The following SUSD3 variants were observed in gnomAD, a reference collection of about 807,000 sequenced individuals.
The protein encoded by SUSD3 is sushi domain containing 3.
A neutral mutation model predicts 20.6 loss-of-function variants in SUSD3; 18 were observed. The ratio of observed to expected loss-of-function variants is 0.87; its 90% CI spans 0.60 to 1.30. The LOEUF (loss-of-function observed/expected upper bound fraction) is 1.30. Among genes scored for constraint, SUSD3 ranks in the 50% most tolerant of loss-of-function variants. The pLI is 0.00. For synonymous variants in SUSD3, 137 were observed against 141.5 expected (o/e 0.97, Z 0.23); for missense variants, 306 against 346.9 (o/e 0.88, Z 0.94).
chr9:93,065,165 TC>T (rs1825659284), intron 1 of SUSD3, among the ~76,000 whole-genome samples: 1 of 152,130 alleles, frequency 6.6e-6, no homozygotes, highest in Non-Finnish European at 1.5e-5. Flanking sequence ...CTCAAGGTCT[TC>T]CGCCAGCATT....
chr9:93,075,846 G>T lies in SUSD3; in HGVS notation c.151G>T (p.Ala51Ser), dbSNP rs2118974954. The T allele has an allele frequency of 1.2e-6, 2 of 1,613,452 alleles. No homozygotes were observed. The highest frequency in any genetic ancestry group is 1.7e-6 in the Non-Finnish European group (2 of 1,179,884). ...ATFQVLRGNG[A>S]SVGTVLMFRC... ...CTTCCAAGTCCTTCGTGGCAATGGT[G>T]CTTCCGTGGGGACCGTGCTCATGTT... is the stretch of plus-strand genomic sequence containing the variant. The change falls in exon 2 of 5, where the codon GCT becomes TCT. Residue 51 changes from alanine (A) to serine (S), a missense_variant. By Grantham distance (99) the Ala-to-Ser change is moderately conservative. Transcript: ENST00000375472.
chr9:93,080,889 TTTG>T (rs1265236596), intron 4 of SUSD3, among the ~76,000 whole-genome samples: 1 of 152,244 alleles, frequency 6.6e-6, no homozygotes, highest in Non-Finnish European at 1.5e-5. Context: ...TTGATTTTGT[TTTG>T]TTGTTTTAGC....
chr9:93,069,523 GTA>G (rs1444946382), intron 1 of SUSD3, among the ~76,000 whole-genome samples: 1 of 152,156 alleles, frequency 6.6e-6, no homozygotes, highest in Non-Finnish European at 1.5e-5. Flanking sequence ...AGTTTTCAGA[GTA>G]TGTGTTTTGC....
In SUSD3 at chr9:93,084,905, T is replaced by A; in HGVS notation, c.*158T>A. 1.6e-6 allele frequency: 1 copy of A among 638,208 alleles called. No individual in the cohort carries two copies. Among genetic ancestry groups the A allele is most frequent in the Non-Finnish European group, 2.4e-6 (1 of 408,422 alleles). 39.5% of individuals were successfully genotyped at this position (638,208 alleles called of 1,614,324 possible). A position where few individuals can be genotyped will look rare whatever the true frequency, so the allele number is the denominator to read the frequency against. ...GTAGGGACCCCTTGAGGGGCCGAGC[T>A]GACATCCAAGGCTGAGGACCCCAGT... On this transcript the variant is annotated 3_prime_UTR_variant, in exon 5 of 5. Coordinates refer to ENST00000375472, the MANE Select transcript of SUSD3 (RefSeq NM_145006.4).
chr9:93,080,147 C>T (rs1826348989), intron 4 of SUSD3, among the ~76,000 whole-genome samples: 1 of 151,848 alleles, frequency 6.6e-6, no homozygotes, highest in Admixed American at 6.6e-5. Flanking sequence ...GGTGAAATCC[C>T]GTCTCTACTA....
intron 1 of SUSD3, among the ~76,000 whole-genome samples, chr9:93,059,139 C>T (rs944979484): frequency 6.6e-6 from 1 of 152,134 alleles, no homozygotes; most frequent in Non-Finnish European, 1.5e-5. Flanking sequence ...CTCCACGCCG[C>T]AGGCTCCGGG....
intron 1 of SUSD3, among the ~76,000 whole-genome samples, chr9:93,067,052 T>G (rs1825745860): frequency 6.6e-6 from 1 of 152,176 alleles, no homozygotes; most frequent in East Asian, 1.9e-4. Flanking sequence ...CATAAGAAGA[T>G]CCCATACCCC....
At chr9:93,081,458 C>T (rs1017953488) in intron 4 of SUSD3, among the ~76,000 whole-genome samples, 2 of 152,158 alleles carry the variant, frequency 1.3e-5, no homozygotes, top group African/African-American at 2.4e-5. Flanking sequence ...ATTGCAGTAG[C>T]GCTCACCCTT....
intron 3 of SUSD3, 132 bp downstream of exon 3, chr9:93,078,125 T>C: frequency 8.0e-7 from 1 of 1,244,780 alleles, no homozygotes; most frequent in Non-Finnish European, 1.1e-6. Flanking sequence ...ACTGCTGCTC[T>C]GGGCCTGCGT....
chr9:93,065,054 G>T lies in SUSD3; in HGVS notation c.88+6224G>T, dbSNP rs1223446043. ...CCGCTCAGCAGTGGTTAAATGTCTG[G>T]GTCCTGGATGGGGAGTGGTATGGCC... On this transcript the variant is annotated intron_variant, in intron 1 of 4. Coordinates refer to ENST00000375472, the MANE Select transcript of SUSD3 (RefSeq NM_145006.4). Among the ~76,000 whole-genome samples, 3 of 152,220 alleles carry T rather than the reference G, an allele frequency of 2.0e-5. No homozygotes were observed. The East Asian group carries it at 5.8e-4, about 29-fold the overall frequency.
intron 4 of SUSD3, among the ~76,000 whole-genome samples, chr9:93,083,430 C>T (rs1215437376): frequency 1.3e-5 from 2 of 152,228 alleles, no homozygotes; most frequent in Non-Finnish European, 1.5e-5. Context: ...GCCCAGGCTG[C>T]CTCCATAGGT....
chr9:93,075,735 T>TCCCCCCCCCCCCCCCCCC, intron 1 of SUSD3, 49 bp from the exon 2 acceptor site: 2 of 247,428 alleles, frequency 8.1e-6, no homozygotes, highest in Non-Finnish European at 7.4e-6. Flanking sequence ...CTGCCCTGCG[T>TCCCCCCCCCCCCCCCCCC]GCCCACCCCC....
chr9:93,068,664 C>T (rs148880978), intron 1 of SUSD3, among the ~76,000 whole-genome samples: 5 of 152,266 alleles, frequency 3.3e-5, no homozygotes, highest in Non-Finnish European at 5.9e-5. Context: ...TTTGCATTTC[C>T]ATATGAGCTT....
intron 4 of SUSD3, among the ~76,000 whole-genome samples, chr9:93,080,039 A>G (rs1826344625): frequency 6.6e-6 from 1 of 152,164 alleles, no homozygotes; most frequent in African/African-American, 2.4e-5. Flanking sequence ...GAAATTTAAT[A>G]CTGATTGGCC....
chr9:93,080,233 C>G (rs1826352847), intron 4 of SUSD3, among the ~76,000 whole-genome samples: 1 of 146,808 alleles, frequency 6.8e-6, no homozygotes, highest in African/African-American at 2.5e-5. Flanking sequence ...ACAGGAGAAT[C>G]ACTTGAACCC....
At position 93,084,774 on chromosome 9, in the gene SUSD3, T is replaced by A; in HGVS notation, c.*27T>A. The A allele has an allele frequency of 6.9e-7, 1 of 1,456,614 alleles. No individual in the cohort carries two copies. The highest frequency in any genetic ancestry group is 9.0e-7 in the Non-Finnish European group (1 of 1,105,618). The allele number at this position is 1,456,614 out of a possible 1,614,324, so 90.2% of individuals were successfully genotyped here. On this transcript the variant is annotated 3_prime_UTR_variant, in exon 5 of 5. Coordinates refer to ENST00000375472, the MANE Select transcript of SUSD3 (RefSeq NM_145006.4). ...CACGCAGTGAGGCTGGTGCCCATGCTCCACACTGGGAGGCCAGGCTGACCC... is the reference window on the plus strand; with the variant it reads ...CACGCAGTGAGGCTGGTGCCCATGCACCACACTGGGAGGCCAGGCTGACCC...
intron 1 of SUSD3, among the ~76,000 whole-genome samples, chr9:93,073,812 C>T (rs907982865): frequency 3.3e-5 from 5 of 152,180 alleles, no homozygotes; most frequent in Admixed American, 3.3e-4. Flanking sequence ...ATGCATAGCA[C>T]AACGACTCAG....
chr9:93,068,484 T>G (rs1825799581), intron 1 of SUSD3, among the ~76,000 whole-genome samples: 1 of 152,256 alleles, frequency 6.6e-6, no homozygotes, highest in African/African-American at 2.4e-5. Context: ...ACTATAAATG[T>G]AAGGGTTTAC....
chr9:93,068,769 C>T (rs1825810052), intron 1 of SUSD3, among the ~76,000 whole-genome samples: 2 of 152,074 alleles, frequency 1.3e-5, no homozygotes, highest in African/African-American at 4.8e-5. Flanking sequence ...ACAGTAGATT[C>T]AATGAATACA....
Sources: gnomAD v4.1 joint callset for allele counts (sites outside exome capture counted in the v4.1 genomes callset) on GRCh38, gnomAD v4.1.1 for gene constraint, MANE v1.5 for transcripts, NCBI Gene and HGNC (gene_info 2026-07-23, HGNC 2026-07-21) for gene names.